ADAMTS14: variants seen among roughly 807,000 people sequenced by gnomAD.
ADAMTS14 encodes the protein ADAM metallopeptidase with thrombospondin type 1 motif 14.
ADAMTS14 carries 100 observed loss-of-function variants against 128.6 expected under a neutral mutation model. The observed-to-expected ratio is 0.78, with a 90% confidence interval of 0.66 to 0.92. The LOEUF is 0.92. ADAMTS14 is among the 40% of genes least tolerant of loss of function. The pLI is 0.00. For synonymous variants in ADAMTS14, 665 were observed against 653.8 expected (o/e 1.02, Z -0.26); for missense variants, 1,562 against 1,658.6 (o/e 0.94, Z 1.01).
At chr10:70,745,496 T>G (rs192941253) in intron 15 of ADAMTS14, 190 bp downstream of exon 15, 13 of 678,342 alleles carry the variant, frequency 1.9e-5, no homozygotes, top group Non-Finnish European at 3.4e-5. Flanking sequence ...ATGGTTTACA[T>G]TTCAGAAGGT....
chr10:70,689,343 G>C (rs1840115819), intron 2 of ADAMTS14, among the ~76,000 whole-genome samples: 1 of 144,764 alleles, frequency 6.9e-6, no homozygotes, highest in African/African-American at 2.4e-5. Context: ...TCCCCCTGAA[G>C]CTCACGTCTA....
intron 6 of ADAMTS14, among the ~76,000 whole-genome samples, chr10:70,731,225 A>C (rs1007786419): frequency 1.3e-5 from 2 of 152,088 alleles, no homozygotes; most frequent in Non-Finnish European, 2.9e-5. Flanking sequence ...GAGACACTGC[A>C]TACATGTAGA....
Position 70,690,940 on chromosome 10 carries a change from T to C in ADAMTS14, c.523-11372T>C, listed in dbSNP as rs571430897. Among the ~76,000 whole-genome samples, 10 of 144,802 alleles carry C rather than the reference T, an allele frequency of 6.9e-5. 2 individuals carry two copies. The highest frequency in any genetic ancestry group is 2.1e-4 in the Admixed American group (3 of 14,598). 95.0% of individuals were successfully genotyped at this position (144,802 alleles called of 152,430 possible). A position where few individuals can be genotyped will look rare whatever the true frequency, so the allele number is the denominator to read the frequency against. On this transcript the variant is annotated intron_variant, in intron 2 of 21. Coordinates refer to ENST00000373207, the MANE Select transcript of ADAMTS14 (RefSeq NM_080722.4). ...CCAAGCAGGGGCCAGGCAGAGCTCCTTCGCCGAGCTTGGTGGGCTATGATG... is the reference window on the plus strand; with the variant it reads ...CCAAGCAGGGGCCAGGCAGAGCTCCCTCGCCGAGCTTGGTGGGCTATGATG...
chr10:70,717,935 C>T (rs1237177532), intron 4 of ADAMTS14, among the ~76,000 whole-genome samples: 2 of 152,218 alleles, frequency 1.3e-5, no homozygotes, highest in Non-Finnish European at 2.9e-5. Flanking sequence ...CTCTGACCTG[C>T]CTCAGAGCCC....
chr10:70,721,634 G>A (rs767438044), intron 4 of ADAMTS14, among the ~76,000 whole-genome samples: 4 of 152,064 alleles, frequency 2.6e-5, no homozygotes, highest in Non-Finnish European at 5.9e-5. Flanking sequence ...TGATCCACCC[G>A]CCTTGGCCTT....
At chr10:70,747,753 G>A (rs1328397807) in intron 15 of ADAMTS14, among the ~76,000 whole-genome samples, 1 of 152,230 alleles carries the variant, frequency 6.6e-6, no homozygotes, top group East Asian at 1.9e-4. Flanking sequence ...GGGGAGCCTG[G>A]TGGGGAGAGC....
intron 9 of ADAMTS14, 69 bp downstream of exon 9, chr10:70,735,370 A>T (rs547019188): frequency 1.2e-5 from 19 of 1,569,318 alleles, no homozygotes; most frequent in Non-Finnish European, 1.6e-5. Context: ...GCCCATGCTG[A>T]CCATTCATGA....
At chr10:70,726,244 C>G (rs1841423203) in intron 4 of ADAMTS14, among the ~76,000 whole-genome samples, 1 of 152,240 alleles carries the variant, frequency 6.6e-6, no homozygotes, top group Non-Finnish European at 1.5e-5. Flanking sequence ...TCTCAATGTC[C>G]TGAGCTGGAG....
At chr10:70,697,743 A>G (rs578148878) in intron 2 of ADAMTS14, among the ~76,000 whole-genome samples, 4 of 150,148 alleles carry the variant, frequency 2.7e-5, no homozygotes, top group Non-Finnish European at 4.5e-5. Flanking sequence ...CCACGTGACC[A>G]TGTCTTCTTT....
intron 20 of ADAMTS14, 32 bp from the exon 21 acceptor site, chr10:70,758,143 C>T (rs1842524108): frequency 6.2e-7 from 1 of 1,613,166 alleles, no homozygotes; most frequent in East Asian, 2.2e-5. Flanking sequence ...GCCAAAGTCC[C>T]AAATACTAGA....
intron 2 of ADAMTS14, among the ~76,000 whole-genome samples, chr10:70,691,309 A>G (rs1180606328): frequency 7.0e-6 from 1 of 142,866 alleles, no homozygotes. Context: ...CCTGGCCAAC[A>G]TGGTGAATCC....
chr10:70,722,778 G>T (rs1474073424), intron 4 of ADAMTS14, among the ~76,000 whole-genome samples: 1 of 152,040 alleles, frequency 6.6e-6, no homozygotes, highest in Non-Finnish European at 1.5e-5. Context: ...TATAGCCCAA[G>T]GTATAAAATA....
At position 70,750,001 on chromosome 10, in the gene ADAMTS14, T is replaced by G. The variant is rs372428618; in HGVS notation, c.2427+16T>G. 10 of 1,611,064 alleles carry G rather than the reference T, an allele frequency of 6.2e-6. No homozygotes were observed. Among genetic ancestry groups the G allele is most frequent in the Non-Finnish European group, 7.6e-6 (9 of 1,178,050 alleles). ...TGCCATCCTGGTGAGCCCCACTCTGTGCGGTGGCAACCCCTGCCCACCCCA... is the reference window on the plus strand; with the variant it reads ...TGCCATCCTGGTGAGCCCCACTCTGGGCGGTGGCAACCCCTGCCCACCCCA... On this transcript the variant is annotated intron_variant, in intron 16 of 21. Transcript: ENST00000373207.
rs1229522559 is a variant in ADAMTS14, at chr10:70,719,585, T to TA, written c.871-9703dup. ...CCCAGCTAATTTTTATTTTTTTTTT[T>TA]AAAAAATAGACAAGGTCTCACTACG... On this transcript the variant is annotated intron_variant, in intron 4 of 21. Transcript: ENST00000373207. 4.0e-3 allele frequency among the ~76,000 whole-genome samples: 605 copies of TA among 151,548 alleles called. 8 individuals are homozygous for TA. The highest frequency in any genetic ancestry group is 0.01 in the Middle Eastern group (3 of 294).
intron 19 of ADAMTS14, among the ~76,000 whole-genome samples, chr10:70,757,110 T>A (rs1196486764): frequency 6.6e-6 from 1 of 152,124 alleles, no homozygotes; most frequent in Non-Finnish European, 1.5e-5. Flanking sequence ...GTGGTCAGCA[T>A]CTAAAAGGTG....
At chr10:70,718,603 C>T (rs1462678414) in intron 4 of ADAMTS14, among the ~76,000 whole-genome samples, 1 of 151,418 alleles carries the variant, frequency 6.6e-6, no homozygotes, top group African/African-American at 2.4e-5. Flanking sequence ...CCAGGCTTGT[C>T]TCGAACACCT....
chr10:70,704,755 G>A (rs1840606348), intron 3 of ADAMTS14, among the ~76,000 whole-genome samples: 1 of 141,672 alleles, frequency 7.1e-6, no homozygotes, highest in Non-Finnish European at 1.5e-5. Context: ...ACATACTGAT[G>A]CAAACACATG....
intron 2 of ADAMTS14, among the ~76,000 whole-genome samples, chr10:70,699,762 C>G (rs1431499683): frequency 1.3e-5 from 2 of 152,170 alleles, no homozygotes; most frequent in Non-Finnish European, 1.5e-5. Flanking sequence ...TTTAACCAAG[C>G]CCCAGAATGG....
rs117457614 is a variant in ADAMTS14, at chr10:70,701,930, G to A, written c.523-382G>A. ...AAAGCAAACCCCTGTGATGTGCTTC[G>A]GGCTGGAGTGCAGTGCCTTGGTGTA... On this transcript the variant is annotated intron_variant, in intron 2 of 21. Transcript: ENST00000373207. Among the ~76,000 whole-genome samples, 186 of 152,258 alleles carry A rather than the reference G, an allele frequency of 1.2e-3. 1 individual carries two copies. In the East Asian group the frequency reaches 0.033, roughly 27 times the overall value.
Sources: gnomAD v4.1 joint callset for allele counts (sites outside exome capture counted in the v4.1 genomes callset) on GRCh38, gnomAD v4.1.1 for gene constraint, MANE v1.5 for transcripts, NCBI Gene and HGNC (gene_info 2026-07-23, HGNC 2026-07-21) for gene names.